Variants in PGD observed in about 807,000 individuals in gnomAD.
PGD encodes the protein phosphogluconate dehydrogenase.
In PGD, 21 loss-of-function variants were observed where a neutral mutation model predicts 60.4. The observed-to-expected ratio is 0.35, with a 90% confidence interval of 0.25 to 0.50. The LOEUF (loss-of-function observed/expected upper bound fraction) is 0.50. Among genes scored for constraint, PGD ranks in the 20% least tolerant of loss-of-function variants. PGD has a pLI of 0.98. For missense variants in PGD, 477 were observed against 613.1 expected (o/e 0.78, Z 2.34); for synonymous variants, 230 against 235.9 (o/e 0.97, Z 0.23).
chr1:10,407,822 T>A (rs1639432460), intron 5 of PGD, among the ~76,000 whole-genome samples: 1 of 152,024 alleles, frequency 6.6e-6, no homozygotes, highest in Non-Finnish European at 1.5e-5. Context: ...GTCACATACC[T>A]GTAGTCTTAG....
chr1:10,403,310 G>C (rs1156823577), intron 4 of PGD, among the ~76,000 whole-genome samples, 174 bp downstream of exon 4: 1 of 151,964 alleles, frequency 6.6e-6, no homozygotes, highest in Non-Finnish European at 1.5e-5. Flanking sequence ...TTAACAGAAG[G>C]GCCGGGTGTG....
intron 8 of PGD, among the ~76,000 whole-genome samples, chr1:10,413,863 C>T (rs982296871): frequency 2.0e-5 from 3 of 151,898 alleles, no homozygotes; most frequent in Non-Finnish European, 2.9e-5. Context: ...TGAGATGGCA[C>T]CACTGCACTC....
intron 5 of PGD, among the ~76,000 whole-genome samples, chr1:10,405,870 G>A (rs1053761436): frequency 2.0e-5 from 3 of 151,924 alleles, no homozygotes; most frequent in Admixed American, 1.3e-4. Context: ...TTTTTGAGAC[G>A]GAGTCTTGCT....
At chr1:10,403,928 G>A (rs114772272) in intron 4 of PGD, among the ~76,000 whole-genome samples, 222 of 152,276 alleles carry the variant, frequency 1.5e-3, no homozygotes, top group African/African-American at 5.1e-3. Context: ...GGTAGGTATC[G>A]TGAATGTCCA....
chr1:10,400,607 T>G, intron 3 of PGD, 35 bp downstream of exon 3: 1 of 1,540,832 alleles, frequency 6.5e-7, no homozygotes, highest in Non-Finnish European at 8.8e-7. Context: ...GCTACCACGA[T>G]AGCAGCTGTT....
At position 10,399,813 on chromosome 1, in the gene PGD, C is replaced by A. The variant is rs561113674; in HGVS notation, c.84+109C>A. ...CTCCTGGCCGTGCTTTGCTAATGTG[C>A]TCTGTTGCTGCTCGTGGCATTTTTG... On this transcript the variant is annotated intron_variant, in intron 2 of 12. Transcript: ENST00000270776. 7 of 932,486 alleles carry A rather than the reference C, an allele frequency of 7.5e-6. No homozygotes were observed. The Admixed American group carries it at 9.6e-5, about 13-fold the overall frequency. 57.8% of individuals were successfully genotyped at this position (932,486 alleles called of 1,614,324 possible).
chr1:10,410,553 C>T (rs1236550709), intron 6 of PGD, among the ~76,000 whole-genome samples: 1 of 152,098 alleles, frequency 6.6e-6, no homozygotes, highest in African/African-American at 2.4e-5. Flanking sequence ...ATCCAAACAC[C>T]TGGCCTCCTG....
At chr1:10,399,471 G>T in intron 1 of PGD, 158 bp from the exon 2 acceptor site, 1 of 665,870 alleles carries the variant, frequency 1.5e-6, no homozygotes, top group South Asian at 1.9e-5. Context: ...CCCGGCCGAG[G>T]CTCTGCAGCG....
intron 3 of PGD, 96 bp from the exon 4 acceptor site, chr1:10,402,975 T>C: frequency 1.1e-6 from 1 of 884,122 alleles, no homozygotes. Context: ...GAGACTCTTT[T>C]TAGACTATGT....
chr1:10,400,590 C>A lies in PGD; in HGVS notation c.264+18C>A, dbSNP rs1639299046. The A allele has an allele frequency of 3.1e-6, 5 of 1,592,870 alleles. No individual in the cohort carries two copies. In the East Asian group the frequency reaches 9.0e-5, roughly 29 times the overall value. On this transcript the variant is annotated intron_variant, in intron 3 of 12. Transcript: ENST00000270776. ...AGAAATTGGTGAGGCCAGCTGTGCT[C>A]TCAGCTGCTACCACGATAGCAGCTG...
At chr1:10,402,971 C>CT (rs1639340094) in intron 3 of PGD, 100 bp from the exon 4 acceptor site, 2 of 869,426 alleles carry the variant, frequency 2.3e-6, no homozygotes, top group Non-Finnish European at 3.9e-6. Flanking sequence ...GAACGAGACT[C>CT]TTTTTAGACT....
At position 10,413,194 on chromosome 1, in the gene PGD, A is replaced by G; in HGVS notation, c.787A>G (p.Thr263Ala). Residue 263 changes from threonine to alanine, a missense_variant, in exon 8 of 13, where the codon ACA becomes GCA. Coordinates refer to ENST00000270776, the MANE Select transcript of PGD (RefSeq NM_002631.4). ...KIRDSAGQKG[T>A]GKWTAISALE... Reference sequence around the variant, plus strand: ...CAGGGACAGCGCGGGGCAGAAGGGCACAGGGAAGTGGACCGCCATCTCCGC... The same window carrying G: ...CAGGGACAGCGCGGGGCAGAAGGGCGCAGGGAAGTGGACCGCCATCTCCGC... 1 of 1,614,234 alleles carries G rather than the reference A, an allele frequency of 6.2e-7. No individual in the cohort carries two copies. The highest frequency in any genetic ancestry group is 1.7e-5 in the Admixed American group (1 of 60,022).
At position 10,417,400 on chromosome 1, in the gene PGD, T is replaced by C. The variant is rs1482538032; in HGVS notation, c.1000T>C (p.Ser334Pro). ...RKALYASKII[S>P]YAQGFMLLRQ... is the part of the protein sequence containing the mutation. ...GGCACTCTACGCTTCCAAGATCATC[T>C]CTTACGCTCAAGGCTTTATGCTGCT... Residue 334 changes from serine to proline, a missense_variant, in exon 10 of 13, where the codon TCT becomes CCT. Transcript: ENST00000270776. 6.2e-7 allele frequency: 1 copy of C among 1,612,854 alleles called. No homozygotes were observed. The highest frequency in any genetic ancestry group is 1.1e-5 in the South Asian group (1 of 90,874).
intron 1 of PGD, 96 bp from the exon 2 acceptor site, chr1:10,399,533 T>A: frequency 1.8e-6 from 2 of 1,118,844 alleles, no homozygotes; most frequent in Non-Finnish European, 1.3e-6. Flanking sequence ...AAGTGCAGAC[T>A]CCCAGTCACG....
rs765564798 is a variant in PGD at position 10,417,093 on chromosome 1, A to C, written c.951A>C (p.Lys317Asn). Residue 317 changes from lysine to asparagine, a missense_variant, in exon 9 of 13, where the codon AAA (lysine) becomes AAC (asparagine). Physicochemically the swap from Lys to Asn is moderately conservative, Grantham distance 94. Transcript: ENST00000270776. ...AGTTCCAGTTTGATGGTGATAAGAA[A>C]TCATTCCTGGAGGACATTCGGAAGG... The part of the protein sequence containing the change: ...PQKFQFDGDK[K>N]SFLEDIRKAL... 6.2e-6 allele frequency: 10 copies of C among 1,614,010 alleles called. No individual in the cohort carries two copies. The highest frequency in any genetic ancestry group is 8.5e-6 in the Non-Finnish European group (10 of 1,179,912).
intron 3 of PGD, 98 bp from the exon 4 acceptor site, chr1:10,402,971 CTT>C (rs1639340094): frequency 9.2e-6 from 8 of 869,540 alleles, no homozygotes; most frequent in South Asian, 8.3e-5. Flanking sequence ...GAACGAGACT[CTT>C]TTTAGACTAT....
Position 10,417,608 on chromosome 1 carries a change from G to A in PGD, c.1109+99G>A, listed in dbSNP as rs913755540. The A allele has an allele frequency of 1.8e-5, 22 of 1,230,286 alleles. No individual in the cohort carries two copies. The African/African-American group carries it at 2.7e-4, about 15-fold the overall frequency. The allele number at this position is 1,230,286 out of a possible 1,614,324, so 76.2% of individuals were successfully genotyped here. On this transcript the variant is annotated intron_variant, in intron 10 of 12. Transcript: ENST00000270776. ...TAGCTTGAGCAGTTTCCAGGGATGG[G>A]CACTTAGCCCCATCACTGGACACTG...
intron 1 of PGD, 40 bp from the exon 2 acceptor site, chr1:10,399,589 G>C (rs1441499882): frequency 6.3e-7 from 1 of 1,578,156 alleles, no homozygotes; most frequent in African/African-American, 1.3e-5. Flanking sequence ...CGCGTCGAGC[G>C]GTGCTGACTC....
rs765472756 is a variant in PGD, at chr1:10,416,972, G to A, written c.845-15G>A. The A allele has an allele frequency of 4.3e-6, 7 of 1,611,564 alleles. No homozygotes were observed. Among genetic ancestry groups the A allele is most frequent in the Middle Eastern group, 1.7e-4 (1 of 5,878 alleles). On this transcript the variant is annotated splice_polypyrimidine_tract_variant and intron_variant, in intron 8 of 12. Transcript: ENST00000270776. ...TGACAGTAATCTGTTTCCTCTTCCC[G>A]ATCTCCCCATGTAGGAGAAGCTGTC...
Sources: gnomAD v4.1 joint callset for allele counts (sites outside exome capture counted in the v4.1 genomes callset) on GRCh38, gnomAD v4.1.1 for gene constraint, MANE v1.5 for transcripts, NCBI Gene and HGNC (gene_info 2026-07-23, HGNC 2026-07-21) for gene names.